ESRRG: variants seen among roughly 807,000 people sequenced by gnomAD.
ESRRG encodes estrogen related receptor gamma, also known as estrogen-related receptor gamma.
Under a neutral mutation model 44.0 loss-of-function variants are expected in ESRRG, and 13 were observed. The observed-to-expected ratio is 0.30, with a 90% confidence interval of 0.19 to 0.47. The LOEUF is 0.47. Ranked by LOEUF, ESRRG falls within the 20% of genes least tolerant of loss-of-function variation. The probability of loss-of-function intolerance (pLI) is 1.00; values close to 1 mark genes in which losing one functional copy is unlikely to be tolerated. For missense variants in ESRRG, 395 were observed against 580.6 expected (o/e 0.68, Z 3.29); for synonymous variants, 215 against 214.6 (o/e 1.00, Z -0.02).
chr1:216,604,929 T>G (rs1467459511), intron 3 of ESRRG, among the ~76,000 whole-genome samples: 1 of 152,194 alleles, frequency 6.6e-6, no homozygotes. Context: ...ATATTGAAAC[T>G]CTAGCCCTCT....
chr1:216,609,420 C>A (rs917002281), intron 3 of ESRRG, among the ~76,000 whole-genome samples: 5 of 152,208 alleles, frequency 3.3e-5, no homozygotes, highest in Non-Finnish European at 2.9e-5. Context: ...GTGGGTCACA[C>A]CTTTATCTAC....
rs2040989643 is a variant in ESRRG at position 216,505,208 on chromosome 1, C to G, written c.*1731G>C. On this transcript the variant is annotated 3_prime_UTR_variant, in exon 7 of 7. Coordinates refer to ENST00000408911, the MANE Select transcript of ESRRG (RefSeq NM_001438.4). ...TTGGTATAGCATTTGATGGAGGTTA[C>G]TGTTTATTGGTTATTCAGCGACTGT... 6.6e-6 allele frequency: 1 copy of G among 152,582 alleles called. No individual in the cohort carries two copies. The highest frequency in any genetic ancestry group is 1.5e-5 in the Non-Finnish European group (1 of 68,008). The allele number at this position is 152,582 out of a possible 1,614,324, so 9.5% of individuals were successfully genotyped here. A position where few individuals can be genotyped will look rare whatever the true frequency, so the allele number is the denominator to read the frequency against.
intron 1 of ESRRG, among the ~76,000 whole-genome samples, chr1:216,980,375 T>C (rs983655661): frequency 6.6e-6 from 1 of 152,162 alleles, no homozygotes; most frequent in African/African-American, 2.4e-5. Flanking sequence ...CCTGACAACA[T>C]TGAGACAATG....
upstream of ESRRG, among the ~76,000 whole-genome samples, chr1:216,725,801 G>C (rs2087401112): frequency 6.6e-6 from 1 of 152,054 alleles, no homozygotes; most frequent in African/African-American, 2.4e-5. Context: ...TGTACTCAAA[G>C]AATGCATTCC....
rs991479818 is a variant in ESRRG at position 216,503,709 on chromosome 1, A to T, written c.*3230T>A. 1 of 152,548 alleles carries T rather than the reference A, an allele frequency of 6.6e-6. No homozygotes were observed. Among genetic ancestry groups the T allele is most frequent in the Admixed American group, 6.6e-5 (1 of 15,254 alleles). The allele number at this position is 152,548 out of a possible 1,614,324, so 9.4% of individuals were successfully genotyped here. A position where few individuals can be genotyped will look rare whatever the true frequency, so the allele number is the denominator to read the frequency against. On this transcript the variant is annotated 3_prime_UTR_variant, in exon 7 of 7. Transcript: ENST00000408911. ...TCTATAAGAAAAATAGCAGTTTTAA[A>T]TTTTTTATATCTTTTATGTTATCAT...
At chr1:216,990,331 AT>A (rs1216447788) in intron 1 of ESRRG, among the ~76,000 whole-genome samples, 9 of 152,198 alleles carry the variant, frequency 5.9e-5, no homozygotes, top group African/African-American at 1.7e-4. Context: ...TTTCAAAAAT[AT>A]TTTTTTAAAG....
At chr1:216,894,752 C>T (rs141611415) in intron 2 of ESRRG, among the ~76,000 whole-genome samples, 156 of 152,180 alleles carry the variant, frequency 1.0e-3, no homozygotes, top group Middle Eastern at 3.4e-3. Flanking sequence ...TCAGGAGCAG[C>T]ACTGATGTTA....
At chr1:217,073,336 G>A (rs1214584216) in intron 1 of ESRRG, among the ~76,000 whole-genome samples, 1 of 151,792 alleles carries the variant, frequency 6.6e-6, no homozygotes, top group Non-Finnish European at 1.5e-5. Context: ...GTTCTTAAAG[G>A]AGATTAGTTG....
intron 1 of ESRRG, among the ~76,000 whole-genome samples, chr1:216,684,066 G>C (rs1214314872): frequency 6.6e-6 from 1 of 152,108 alleles, no homozygotes; most frequent in East Asian, 1.9e-4. Flanking sequence ...TAATAAGATC[G>C]ACTAAACTAA....
chr1:216,763,539 A>G (rs7547186), intron 2 of ESRRG, among the ~76,000 whole-genome samples: 38,697 of 152,030 alleles, frequency 0.25, 5,196 homozygotes, highest in South Asian at 0.38. Flanking sequence ...TAAATTATCA[A>G]AGAGAAAACT....
intron 2 of ESRRG, among the ~76,000 whole-genome samples, chr1:216,757,327 T>C (rs1324318492): frequency 6.6e-6 from 1 of 152,024 alleles, no homozygotes; most frequent in African/African-American, 2.4e-5. Flanking sequence ...ACTTAGAATG[T>C]CTTTCATGGT....
intron 2 of ESRRG, among the ~76,000 whole-genome samples, chr1:216,926,035 C>T (rs2062519945): frequency 6.6e-6 from 1 of 152,200 alleles, no homozygotes; most frequent in African/African-American, 2.4e-5. Flanking sequence ...AAAAAGGCCA[C>T]ACAAACAACT....
intron 2 of ESRRG, among the ~76,000 whole-genome samples, chr1:216,672,932 C>A (rs1271058956): frequency 6.6e-6 from 1 of 152,032 alleles, no homozygotes; most frequent in African/African-American, 2.4e-5. Flanking sequence ...ATGAAAATGC[C>A]TATGGATGCA....
At chr1:216,813,567 C>G (rs1193340313) in intron 2 of ESRRG, among the ~76,000 whole-genome samples, 1 of 152,038 alleles carries the variant, frequency 6.6e-6, no homozygotes, top group Non-Finnish European at 1.5e-5. Flanking sequence ...TTTTTTGAAG[C>G]CAGAAAATTA....
At chr1:216,974,774 T>C (rs547813568) in intron 1 of ESRRG, among the ~76,000 whole-genome samples, 2 of 152,170 alleles carry the variant, frequency 1.3e-5, no homozygotes, top group East Asian at 3.9e-4. Flanking sequence ...GGATGAAGTA[T>C]ATGGGTCTCT....
At chr1:216,753,510 G>A (rs2092232869) in intron 2 of ESRRG, among the ~76,000 whole-genome samples, 1 of 152,046 alleles carries the variant, frequency 6.6e-6, no homozygotes, top group Non-Finnish European at 1.5e-5. Context: ...GTCAGGAAAG[G>A]AGTTCAACAA....
intron 2 of ESRRG, among the ~76,000 whole-genome samples, chr1:216,880,755 T>A (rs549528245): frequency 6.6e-6 from 1 of 152,280 alleles, no homozygotes; most frequent in East Asian, 1.9e-4. Flanking sequence ...GAAAGTATAT[T>A]AAGGAATATG....
chr1:216,532,681 AT>A (rs2049746630), intron 5 of ESRRG, among the ~76,000 whole-genome samples: 1 of 152,122 alleles, frequency 6.6e-6, no homozygotes, highest in Non-Finnish European at 1.5e-5. Context: ...CAACAAGAGA[AT>A]TTACTCTGAG....
At chr1:216,921,578 AG>A (rs1560119193) in intron 2 of ESRRG, among the ~76,000 whole-genome samples, 106 of 152,244 alleles carry the variant, frequency 7.0e-4, no homozygotes, top group African/African-American at 2.5e-3. Flanking sequence ...CCAGACACCT[AG>A]GTGGCTGCTC....
Sources: gnomAD v4.1 joint callset for allele counts (sites outside exome capture counted in the v4.1 genomes callset) on GRCh38, gnomAD v4.1.1 for gene constraint, MANE v1.5 for transcripts, NCBI Gene and HGNC (gene_info 2026-07-23, HGNC 2026-07-21) for gene names.